Variants in CTNNA3 observed in about 807,000 individuals in gnomAD.
The protein encoded by CTNNA3 is catenin alpha-3.
CTNNA3 carries 76 observed loss-of-function variants against 95.7 expected under a neutral mutation model. The ratio of observed to expected loss-of-function variants is 0.79; its 90% CI spans 0.66 to 0.96. CTNNA3 has a LOEUF of 0.96. CTNNA3 is among the 40% of genes least tolerant of loss of function. CTNNA3 has a pLI of 0.00. For missense variants in CTNNA3, 1,191 were observed against 1,089.8 expected, an observed-to-expected ratio of 1.09 and a Z score of -1.31; for synonymous variants, 431 against 374.4, an observed-to-expected ratio of 1.15 and a Z score of -1.74.
Position 65,916,023 on chromosome 10 carries a change from T to C in CTNNA3, c.*4307A>G, listed in dbSNP as rs928596982. On this transcript the variant is annotated 3_prime_UTR_variant, in exon 18 of 18. Transcript: ENST00000433211. ...AAAACCAAAATGCCAAAATAAAAACTCTCAAACTGCTATTGTTATTAGTCC... is the reference window on the plus strand; with the variant it reads ...AAAACCAAAATGCCAAAATAAAAACCCTCAAACTGCTATTGTTATTAGTCC... 6.6e-6 allele frequency: 1 copy of C among 152,112 alleles called. No individual in the cohort carries two copies. Among genetic ancestry groups the C allele is most frequent in the Non-Finnish European group, 1.5e-5 (1 of 68,024 alleles). The allele number at this position is 152,112 out of a possible 1,614,324, so 9.4% of individuals were successfully genotyped here.
chr10:65,998,540 C>G (rs57318227), intron 15 of CTNNA3, among the ~76,000 whole-genome samples: 21,329 of 152,060 alleles, frequency 0.14, 3,565 homozygotes, highest in African/African-American at 0.4. Context: ...CAGAGAATAG[C>G]GCCCTGAAGA....
chr10:66,979,765 G>A (rs1850302850), intron 7 of CTNNA3, among the ~76,000 whole-genome samples: 1 of 152,108 alleles, frequency 6.6e-6, no homozygotes, highest in Non-Finnish European at 1.5e-5. Flanking sequence ...TATCATAATA[G>A]AACTACAGCT....
At chr10:66,716,088 A>G (rs1848440739) in intron 9 of CTNNA3, among the ~76,000 whole-genome samples, 1 of 152,106 alleles carries the variant, frequency 6.6e-6, no homozygotes, top group Non-Finnish European at 1.5e-5. Context: ...TTGCTTGCCA[A>G]TATGAAGAAT....
chr10:66,175,324 A>T (rs1450111822), intron 13 of CTNNA3, among the ~76,000 whole-genome samples: 1 of 152,190 alleles, frequency 6.6e-6, no homozygotes, highest in Admixed American at 6.6e-5. Flanking sequence ...AGAGTACAAT[A>T]AGAAAGATAC....
At chr10:66,455,485 T>A (rs1234031038) in intron 11 of CTNNA3, among the ~76,000 whole-genome samples, 1 of 152,080 alleles carries the variant, frequency 6.6e-6, no homozygotes, top group Non-Finnish European at 1.5e-5. Flanking sequence ...AATCAGTAGA[T>A]GACAACAGAA....
At chr10:66,179,140 C>T (rs547450362) in intron 13 of CTNNA3, among the ~76,000 whole-genome samples, 2 of 152,062 alleles carry the variant, frequency 1.3e-5, no homozygotes, top group East Asian at 1.9e-4. Flanking sequence ...TAGCCCCAAA[C>T]TGGAAGACAT....
intron 7 of CTNNA3, among the ~76,000 whole-genome samples, chr10:67,127,886 G>A (rs969809809): frequency 6.6e-6 from 1 of 152,010 alleles, no homozygotes; most frequent in Non-Finnish European, 1.5e-5. Flanking sequence ...GTCTGTGTGT[G>A]TGTGTGCATG....
chr10:65,936,234 T>C (rs1182807616), intron 17 of CTNNA3, among the ~76,000 whole-genome samples: 1 of 152,130 alleles, frequency 6.6e-6, no homozygotes, highest in Non-Finnish European at 1.5e-5. Flanking sequence ...TTTATTTTCT[T>C]AAGTTAACTT....
chr10:66,572,037 G>A (rs544497528), intron 10 of CTNNA3, among the ~76,000 whole-genome samples: 17 of 150,666 alleles, frequency 1.1e-4, no homozygotes, highest in South Asian at 6.3e-4. Flanking sequence ...CAAAACTTAC[G>A]GACATCTTTT....
intron 5 of CTNNA3, among the ~76,000 whole-genome samples, chr10:67,454,799 T>C (rs1025353891): frequency 8.5e-5 from 13 of 152,316 alleles, no homozygotes; most frequent in African/African-American, 2.4e-4. Flanking sequence ...CAGAGAACTA[T>C]ACTCAATTTA....
intron 5 of CTNNA3, among the ~76,000 whole-genome samples, chr10:67,235,343 C>T (rs1424126656): frequency 1.3e-5 from 2 of 152,030 alleles, no homozygotes; most frequent in African/African-American, 4.8e-5. Context: ...AGAACAGAAC[C>T]CTCAGAAATA....
chr10:66,615,920 T>C (rs1844493990), intron 10 of CTNNA3, among the ~76,000 whole-genome samples: 1 of 152,028 alleles, frequency 6.6e-6, no homozygotes, highest in South Asian at 2.1e-4. Flanking sequence ...CTTATGAGTT[T>C]TCAAACATTA....
intron 13 of CTNNA3, among the ~76,000 whole-genome samples, chr10:66,156,869 A>C (rs1471957222): frequency 6.6e-6 from 1 of 151,820 alleles, no homozygotes; most frequent in Non-Finnish European, 1.5e-5. Flanking sequence ...AGGGAGAGGG[A>C]TCATGTATAA....
At chr10:66,349,680 A>C (rs2092552105) in intron 12 of CTNNA3, among the ~76,000 whole-genome samples, 1 of 152,142 alleles carries the variant, frequency 6.6e-6, no homozygotes, top group African/African-American at 2.4e-5. Flanking sequence ...CATGAGAAAA[A>C]TACCCAAAGA....
At chr10:66,152,095 G>T (rs923555515) in intron 13 of CTNNA3, among the ~76,000 whole-genome samples, 1 of 151,748 alleles carries the variant, frequency 6.6e-6, no homozygotes, top group African/African-American at 2.4e-5. Flanking sequence ...TTACATAATT[G>T]ACACAGAATC....
At chr10:67,248,644 C>T (rs985386866) in intron 5 of CTNNA3, among the ~76,000 whole-genome samples, 6 of 152,040 alleles carry the variant, frequency 3.9e-5, no homozygotes, top group Admixed American at 2.0e-4. Context: ...CTAGGCTGGT[C>T]GCAAACTCCT....
chr10:67,332,944 C>G (rs2616701), intron 5 of CTNNA3, among the ~76,000 whole-genome samples: 109,681 of 152,022 alleles, frequency 0.72, 43,395 homozygotes, highest in Non-Finnish European at 0.88. Context: ...TCTCTACACA[C>G]TGGATTATAT....
intron 2 of CTNNA3, among the ~76,000 whole-genome samples, chr10:67,634,772 A>T (rs1839252391): frequency 6.6e-6 from 1 of 152,346 alleles, no homozygotes; most frequent in Non-Finnish European, 1.5e-5. Flanking sequence ...TGACAAGAAA[A>T]GCTAACTATC....
At chr10:67,344,228 AT>A (rs1207523582) in intron 5 of CTNNA3, among the ~76,000 whole-genome samples, 1 of 151,810 alleles carries the variant, frequency 6.6e-6, no homozygotes, top group Non-Finnish European at 1.5e-5. Context: ...TAATTGTTGA[AT>A]TTGGTTTGCT....
Sources: gnomAD v4.1 joint callset for allele counts (sites outside exome capture counted in the v4.1 genomes callset) on GRCh38, gnomAD v4.1.1 for gene constraint, MANE v1.5 for transcripts, NCBI Gene and HGNC (gene_info 2026-07-23, HGNC 2026-07-21) for gene names.